Variants in NUS1 observed in about 807,000 individuals in gnomAD.
NUS1 encodes the protein dehydrodolichyl diphosphate synthase complex subunit NUS1.
For missense variants in NUS1, 292 were observed against 382.9 expected, an observed-to-expected ratio of 0.76 and a Z score of 1.98; for synonymous variants, 135 against 155.2, an observed-to-expected ratio of 0.87 and a Z score of 0.97.
At chr6:117,698,698 C>T (rs1773355561) in intron 3 of NUS1, among the ~76,000 whole-genome samples, 1 of 152,050 alleles carries the variant, frequency 6.6e-6, no homozygotes, top group Admixed American at 6.6e-5. Context: ...GTTACCCAAA[C>T]CAGACAAAGA....
In NUS1 at chr6:117,709,568, T is replaced by TA. The variant is rs1465374437; in HGVS notation, c.*2554dup. 1 of 150,020 alleles carries TA rather than the reference T, an allele frequency of 6.7e-6. No individual in the cohort carries two copies. The highest frequency in any genetic ancestry group is 1.5e-5 in the Non-Finnish European group (1 of 67,408). The allele number at this position is 150,020 out of a possible 1,614,324, so 9.3% of individuals were successfully genotyped here. A position where few individuals can be genotyped will look rare whatever the true frequency, so the allele number is the denominator to read the frequency against. On this transcript the variant is annotated 3_prime_UTR_variant, in exon 5 of 5. Coordinates refer to ENST00000368494, the MANE Select transcript of NUS1 (RefSeq NM_138459.5). ...TATAATATTAATGAACAGTGCCAAA[T>TA]ACACTGTGCATATCTGCAATTTAAT...
At chr6:117,681,420 T>C (rs928816973) in intron 1 of NUS1, among the ~76,000 whole-genome samples, 3 of 152,238 alleles carry the variant, frequency 2.0e-5, no homozygotes, top group African/African-American at 7.2e-5. Context: ...CCGCATTTCC[T>C]GTAGATAAGA....
At chr6:117,686,038 G>A (rs1773133830) in intron 1 of NUS1, among the ~76,000 whole-genome samples, 3 of 151,412 alleles carry the variant, frequency 2.0e-5, no homozygotes, top group Admixed American at 2.0e-4. Flanking sequence ...GAGGCGGGCG[G>A]ATCATGAGAT....
chr6:117,701,579 C>T (rs1027518312), intron 3 of NUS1, among the ~76,000 whole-genome samples: 19 of 152,056 alleles, frequency 1.2e-4, no homozygotes, highest in African/African-American at 3.9e-4. Flanking sequence ...TTTGCAGTTT[C>T]GGGGTATAGA....
At chr6:117,697,051 TTTTG>T (rs1773330474) in intron 3 of NUS1, among the ~76,000 whole-genome samples, 2 of 152,142 alleles carry the variant, frequency 1.3e-5, no homozygotes, top group Non-Finnish European at 1.5e-5. Flanking sequence ...TTAGTTTTCA[TTTTG>T]TTTATTTGTT....
chr6:117,705,196 C>A lies in NUS1; in HGVS notation c.791+1492C>A, dbSNP rs73766277. On this transcript the variant is annotated intron_variant, in intron 4 of 4. Transcript: ENST00000368494. The stretch of plus-strand genomic sequence containing the variant: ...AAGCTTGTCACAAAGTGAATTAGAA[C>A]CCAGATCTCCAGACTCAGAGTTTCT... 6.5e-3 allele frequency among the ~76,000 whole-genome samples: 989 copies of A among 152,260 alleles called. 18 individuals are homozygous for A. The highest frequency in any genetic ancestry group is 0.023 in the African/African-American group (944 of 41,538).
At chr6:117,688,342 ATAAT>A (rs748251917) in intron 1 of NUS1, among the ~76,000 whole-genome samples, 4 of 152,208 alleles carry the variant, frequency 2.6e-5, no homozygotes, top group Admixed American at 6.5e-5. Context: ...TGGGCTTAGC[ATAAT>A]TAGTAGGGCT....
chr6:117,697,319 TAAC>T (rs1253116251), intron 3 of NUS1, among the ~76,000 whole-genome samples: 1 of 151,898 alleles, frequency 6.6e-6, no homozygotes, highest in African/African-American at 2.4e-5. Flanking sequence ...TTATCGATAA[TAAC>T]ATTGAATGTA....
intron 1 of NUS1, among the ~76,000 whole-genome samples, chr6:117,685,539 A>G (rs1773124350): frequency 6.6e-6 from 1 of 151,954 alleles, no homozygotes. Context: ...TTTTATAAAG[A>G]CAGGGTCTTG....
In NUS1 at chr6:117,676,016, G is replaced by C. The variant is rs1321831305; in HGVS notation, c.346G>C (p.Asp116His). The change falls in exon 1 of 5, where the codon GAC (aspartate) becomes CAC (histidine). Residue 116 changes from aspartate (D) to histidine (H), a missense_variant. Coordinates refer to ENST00000368494, the MANE Select transcript of NUS1 (RefSeq NM_138459.5). ...TEVEQEPSFS[D>H]IASLVVWCMA... ...GGTGGAGCAGGAACCCAGCTTCTCG[G>C]ACATCGCGAGCCTCGTGGTGTGGTG... 1 of 1,549,802 alleles carries C rather than the reference G, an allele frequency of 6.5e-7. No individual in the cohort carries two copies. The highest frequency in any genetic ancestry group is 8.7e-7 in the Non-Finnish European group (1 of 1,146,950).
At chr6:117,705,480 G>A (rs1433975151) in intron 4 of NUS1, among the ~76,000 whole-genome samples, 1 of 152,220 alleles carries the variant, frequency 6.6e-6, no homozygotes, top group Non-Finnish European at 1.5e-5. Context: ...GACAAGATAT[G>A]AAGCACGTAA....
intron 1 of NUS1, among the ~76,000 whole-genome samples, chr6:117,678,409 C>T (rs1179403338): frequency 2.0e-5 from 3 of 152,138 alleles, no homozygotes; most frequent in African/African-American, 7.2e-5. Context: ...GCAGTGTACT[C>T]ATGGAACTTA....
intron 3 of NUS1, among the ~76,000 whole-genome samples, chr6:117,699,512 A>G (rs142344000): frequency 0.024 from 3,713 of 152,270 alleles, 49 homozygotes; most frequent in South Asian, 0.041. Context: ...ATGTAAGCCT[A>G]TTTCCTGTTC....
At chr6:117,703,062 TG>T (rs898359528) in intron 3 of NUS1, among the ~76,000 whole-genome samples, 5 of 152,202 alleles carry the variant, frequency 3.3e-5, no homozygotes, top group Non-Finnish European at 7.3e-5. Context: ...GAGGCTGCTC[TG>T]GCTCTGGGGA....
At chr6:117,694,982 C>T (rs536746657) in intron 3 of NUS1, among the ~76,000 whole-genome samples, 2 of 151,956 alleles carry the variant, frequency 1.3e-5, no homozygotes, top group East Asian at 3.9e-4. Context: ...ATCGCTTGAG[C>T]GCAGGAGTTT....
In NUS1 at chr6:117,707,078, G is replaced by A. The variant is rs959559976; in HGVS notation, c.*63G>A. On this transcript the variant is annotated 3_prime_UTR_variant, in exon 5 of 5. Coordinates refer to ENST00000368494, the MANE Select transcript of NUS1 (RefSeq NM_138459.5). ...AGGAAAGGAACCAAGTGACTCTGAT[G>A]TTTACAAAGCACCTATGAAACCCTG... 1.8e-5 allele frequency: 25 copies of A among 1,405,238 alleles called. No homozygotes were observed. The highest frequency in any genetic ancestry group is 2.5e-5 in the Non-Finnish European group (25 of 993,698). 87.0% of individuals were successfully genotyped at this position (1,405,238 alleles called of 1,614,324 possible). A position where few individuals can be genotyped will look rare whatever the true frequency, so the allele number is the denominator to read the frequency against.
At chr6:117,687,668 A>T (rs1425119594) in intron 1 of NUS1, among the ~76,000 whole-genome samples, 5 of 152,206 alleles carry the variant, frequency 3.3e-5, no homozygotes, top group Admixed American at 3.3e-4. Flanking sequence ...TGAGGAACAT[A>T]GGCAATTCTA....
intron 1 of NUS1, among the ~76,000 whole-genome samples, chr6:117,691,396 C>T (rs1234319449): frequency 2.0e-5 from 3 of 151,606 alleles, no homozygotes; most frequent in Non-Finnish European, 2.9e-5. Flanking sequence ...CTGATATCTT[C>T]TCTAGTTTTT....
At chr6:117,703,840 C>T in intron 4 of NUS1, 136 bp downstream of exon 4, 1 of 678,850 alleles carries the variant, frequency 1.5e-6, no homozygotes, top group Non-Finnish European at 2.6e-6. Context: ...CACAGTACCA[C>T]TGGTAAAATA....
Sources: gnomAD v4.1 joint callset for allele counts (sites outside exome capture counted in the v4.1 genomes callset) on GRCh38, gnomAD v4.1.1 for gene constraint, MANE v1.5 for transcripts, NCBI Gene and HGNC (gene_info 2026-07-23, HGNC 2026-07-21) for gene names.